The following FER variants were observed in gnomAD, a reference collection of about 807,000 sequenced individuals.
The protein encoded by FER is tyrosine-protein kinase Fer.
Under a neutral mutation model 111.0 loss-of-function variants are expected in FER, and 63 were observed. The ratio of observed to expected loss-of-function variants is 0.57; its 90% CI spans 0.46 to 0.70. The LOEUF (loss-of-function observed/expected upper bound fraction) is 0.70, where lower values mean the gene tolerates loss of function less well. Ranked by LOEUF, FER falls within the 30% of genes least tolerant of loss-of-function variation. The pLI, the probability that FER is intolerant of heterozygous loss-of-function variation, is 0.00. For missense variants in FER, 914 were observed against 954.0 expected, an observed-to-expected ratio of 0.96 and a Z score of 0.55; for synonymous variants, 327 against 313.9, an observed-to-expected ratio of 1.04 and a Z score of -0.44.
chr5:109,105,534 T>G (rs992738046), intron 17 of FER, among the ~76,000 whole-genome samples: 2 of 152,122 alleles, frequency 1.3e-5, no homozygotes, highest in Non-Finnish European at 2.9e-5. Flanking sequence ...TTTTGAACCC[T>G]TCATCATTTC....
intron 13 of FER, among the ~76,000 whole-genome samples, chr5:109,003,400 G>C (rs1765071622): frequency 6.6e-6 from 1 of 152,074 alleles, no homozygotes; most frequent in South Asian, 2.1e-4. Flanking sequence ...CTCACTCATA[G>C]GTGGGAATTG....
At chr5:108,765,823 GT>G (rs2149948749) in intron 1 of FER, among the ~76,000 whole-genome samples, 1 of 152,186 alleles carries the variant, frequency 6.6e-6, no homozygotes, top group Admixed American at 6.5e-5. Flanking sequence ...TATATAATGT[GT>G]TTTGTTCCTC....
At chr5:108,784,099 T>C (rs1447687736) in intron 2 of FER, 1 of 154,504 alleles carries the variant, frequency 6.5e-6, no homozygotes, top group Non-Finnish European at 1.5e-5. Context: ...GCCATCATCA[T>C]GACTGAGCAG....
At chr5:109,069,742 C>G (rs1281368411) in intron 16 of FER, among the ~76,000 whole-genome samples, 1 of 152,058 alleles carries the variant, frequency 6.6e-6, no homozygotes, top group East Asian at 1.9e-4. Flanking sequence ...TATTTCCAAT[C>G]CATCATTGAC....
chr5:109,144,748 A>G (rs6872780), intron 17 of FER, among the ~76,000 whole-genome samples: 30,415 of 152,016 alleles, frequency 0.2, 3,197 homozygotes, highest in Non-Finnish European at 0.22. Context: ...GGATGGACCT[A>G]GGACCCAAAG....
intron 3 of FER, among the ~76,000 whole-genome samples, chr5:108,801,227 A>G (rs1340741791): frequency 6.6e-6 from 1 of 152,146 alleles, no homozygotes; most frequent in Non-Finnish European, 1.5e-5. Flanking sequence ...CTGGATACCC[A>G]TTTGTTCTAA....
At chr5:108,780,009 G>A (rs1173932318) in intron 2 of FER, among the ~76,000 whole-genome samples, 1 of 152,070 alleles carries the variant, frequency 6.6e-6, no homozygotes, top group Non-Finnish European at 1.5e-5. Context: ...CGAATATATT[G>A]TTGCTGCTAT....
chr5:108,866,273 A>C (rs1296386717), intron 5 of FER, among the ~76,000 whole-genome samples: 1 of 152,216 alleles, frequency 6.6e-6, no homozygotes, highest in Non-Finnish European at 1.5e-5. Context: ...GGATGAGTTC[A>C]TGTCCTTTGT....
At chr5:108,974,859 G>A (rs763466094) in intron 13 of FER, among the ~76,000 whole-genome samples, 3 of 152,144 alleles carry the variant, frequency 2.0e-5, no homozygotes, top group African/African-American at 7.2e-5. Context: ...AAAGAACATA[G>A]CTCTGCAGAC....
chr5:108,913,380 G>A (rs756860352), intron 10 of FER, among the ~76,000 whole-genome samples: 3 of 152,136 alleles, frequency 2.0e-5, no homozygotes, highest in Admixed American at 1.3e-4. Context: ...CTAATGTATA[G>A]GGGTAAATTA....
At chr5:108,956,373 A>G (rs1463331064) in intron 12 of FER, among the ~76,000 whole-genome samples, 3 of 151,692 alleles carry the variant, frequency 2.0e-5, no homozygotes, top group Admixed American at 6.6e-5. Context: ...AAGCTCTAAA[A>G]GTAACTATTT....
At chr5:108,846,456 G>A (rs1762035209) in intron 5 of FER, among the ~76,000 whole-genome samples, 1 of 151,904 alleles carries the variant, frequency 6.6e-6, no homozygotes, top group African/African-American at 2.4e-5. Flanking sequence ...AGGCTACTTA[G>A]TTTGTTTCTT....
intron 17 of FER, among the ~76,000 whole-genome samples, chr5:109,146,232 TAA>T (rs1754114580): frequency 1.1e-5 from 1 of 94,490 alleles, no homozygotes; most frequent in African/African-American, 4.1e-5. Flanking sequence ...ATTATCTATC[TAA>T]TATATATATA....
At chr5:108,851,425 C>T (rs1485708734) in intron 5 of FER, among the ~76,000 whole-genome samples, 3 of 152,250 alleles carry the variant, frequency 2.0e-5, no homozygotes, top group African/African-American at 7.2e-5. Flanking sequence ...CCCACTGGGT[C>T]CCTCCCACAA....
chr5:108,803,771 G>A (rs1756918894), intron 3 of FER, among the ~76,000 whole-genome samples: 1 of 152,010 alleles, frequency 6.6e-6, no homozygotes, highest in Admixed American at 6.6e-5. Flanking sequence ...GTAACATCAA[G>A]CCACTGGCTT....
chr5:108,822,187 T>C (rs1026325419), intron 3 of FER, among the ~76,000 whole-genome samples: 1 of 152,238 alleles, frequency 6.6e-6, no homozygotes, highest in African/African-American at 2.4e-5. Flanking sequence ...TTCCTTCTTT[T>C]TTATGATTGA....
intron 10 of FER, among the ~76,000 whole-genome samples, chr5:108,939,912 CCATT>C: frequency 6.6e-6 from 1 of 151,952 alleles, no homozygotes. Flanking sequence ...AACATTAAAA[CCATT>C]CAGGAACTTT....
intron 10 of FER, among the ~76,000 whole-genome samples, chr5:108,918,267 G>A (rs1433892473): frequency 2.0e-5 from 3 of 152,248 alleles, no homozygotes; most frequent in East Asian, 3.9e-4. Context: ...TCATTCTGAC[G>A]TTCTTAGTGG....
chr5:108,857,841 A>G (rs1763146405), intron 5 of FER, among the ~76,000 whole-genome samples: 1 of 152,206 alleles, frequency 6.6e-6, no homozygotes, highest in Non-Finnish European at 1.5e-5. Context: ...GGATTTGGCC[A>G]GTGGGAGCCA....
Sources: allele counts gnomAD v4.1 joint callset (sites outside exome capture counted in the v4.1 genomes callset), GRCh38; gene constraint gnomAD v4.1.1; transcripts MANE v1.5; gene names NCBI Gene and HGNC (gene_info 2026-07-23, HGNC 2026-07-21).